BCAS3: variants seen among roughly 807,000 people sequenced by gnomAD.
BCAS3 encodes the protein BCAS3 microtubule associated cell migration factor, also known as BCAS4/BCAS3 fusion.
Under a neutral mutation model 116.1 loss-of-function variants are expected in BCAS3, and 53 were observed. The ratio of observed to expected loss-of-function variants is 0.46; its 90% confidence interval spans 0.37 to 0.57. BCAS3 has a LOEUF of 0.57. BCAS3 is among the 20% of genes least tolerant of loss of function. The pLI is 0.00. For missense variants in BCAS3, 917 were observed against 1,165.4 expected, an observed-to-expected ratio of 0.79 and a Z score of 3.10; for synonymous variants, 391 against 408.2, an observed-to-expected ratio of 0.96 and a Z score of 0.51.
chr17:60,867,468 A>C (rs2144882375), intron 7 of BCAS3, among the ~76,000 whole-genome samples: 1 of 151,990 alleles, frequency 6.6e-6, no homozygotes, highest in African/African-American at 2.4e-5. Flanking sequence ...ATCTTTCCTT[A>C]GATTTGTTCC....
chr17:61,062,024 C>T (rs2070107039), intron 19 of BCAS3, among the ~76,000 whole-genome samples: 1 of 152,152 alleles, frequency 6.6e-6, no homozygotes, highest in Non-Finnish European at 1.5e-5. Context: ...ACCCACTATG[C>T]AATAAGGTCA....
chr17:61,267,421 A>G (rs373899744), intron 22 of BCAS3, among the ~76,000 whole-genome samples: 4 of 151,738 alleles, frequency 2.6e-5, no homozygotes, highest in Admixed American at 6.6e-5. Flanking sequence ...CATGATGTCA[A>G]GACTTTTATT....
chr17:61,290,192 A>G (rs7211984), intron 22 of BCAS3, among the ~76,000 whole-genome samples: 2,998 of 152,312 alleles, frequency 0.02, 93 homozygotes, highest in African/African-American at 0.067. Flanking sequence ...TAATGAAGAC[A>G]TATTTTAAGC....
chr17:61,274,660 A>G (rs2050620901), intron 22 of BCAS3, among the ~76,000 whole-genome samples: 1 of 152,076 alleles, frequency 6.6e-6, no homozygotes, highest in Admixed American at 6.6e-5. Flanking sequence ...CATAATGAAG[A>G]CTGAAAGCTT....
chr17:61,235,766 A>T lies in BCAS3; in HGVS notation c.2426-132561A>T, dbSNP rs977379523. ...GGAAAAAAATGGTTAGGGAGGCTGC[A>T]AAAGAGATGTGGAGACTGGGGGAAA... On this transcript the variant is annotated intron_variant, in intron 22 of 23. Coordinates refer to ENST00000407086, the MANE Select transcript of BCAS3 (RefSeq NM_017679.5). The surrounding 1 kb of genome is among the most constrained non-coding windows in gnomAD (Gnocchi z 5.0). Among the ~76,000 whole-genome samples, 1 of 152,158 alleles carries T rather than the reference A, an allele frequency of 6.6e-6. No individual in the cohort carries two copies. The highest frequency in any genetic ancestry group is 2.4e-5 in the African/African-American group (1 of 41,542).
At chr17:61,353,790 G>A (rs1290730027) in intron 22 of BCAS3, 3 of 152,290 alleles carry the variant, frequency 2.0e-5, no homozygotes, top group Admixed American at 1.3e-4. Context: ...GACCGGCCAA[G>A]GCTGGCGAGG....
rs79502651 is a variant in BCAS3, at chr17:60,834,734, G to T, written c.476+26658G>T. On this transcript the variant is annotated intron_variant, in intron 7 of 23. Coordinates refer to ENST00000407086, the MANE Select transcript of BCAS3 (RefSeq NM_017679.5). Reference sequence around the variant, plus strand: ...TACCCCATGTTTTTTTGTTAGCTATGGTTGTGTGTATCTGTTAATATGAAA... The same window carrying T: ...TACCCCATGTTTTTTTGTTAGCTATTGTTGTGTGTATCTGTTAATATGAAA... Among the ~76,000 whole-genome samples, 626 of 151,902 alleles carry T rather than the reference G, an allele frequency of 4.1e-3. 4 individuals are homozygous for T. The highest frequency in any genetic ancestry group is 0.015 in the African/African-American group (602 of 41,502).
At chr17:60,781,787 A>AT (rs1444938562) in intron 6 of BCAS3, among the ~76,000 whole-genome samples, 2 of 151,930 alleles carry the variant, frequency 1.3e-5, no homozygotes, top group African/African-American at 2.4e-5. Context: ...TCATAATTCC[A>AT]TTTTTTCCTA....
At chr17:60,928,657 A>G (rs1024615975) in intron 13 of BCAS3, among the ~76,000 whole-genome samples, 1 of 152,194 alleles carries the variant, frequency 6.6e-6, no homozygotes, top group Non-Finnish European at 1.5e-5. Context: ...TTGACTTATT[A>G]CTTGATTATG....
intron 6 of BCAS3, among the ~76,000 whole-genome samples, chr17:60,779,121 C>T (rs367685596): frequency 1.4e-3 from 216 of 152,134 alleles, no homozygotes; most frequent in African/African-American, 4.9e-3. Flanking sequence ...CCAAAATGCT[C>T]CAAAATCTAA....
At position 61,152,714 on chromosome 17, in the gene BCAS3, T is replaced by A. The variant is rs149992232; in HGVS notation, c.2425+68150T>A. ...AAGATAATAAAGTCTTAAGGTTAAC[T>A]TCTAAAAAAAAAAATACCCCAATAC... is the stretch of plus-strand genomic sequence containing the variant. On this transcript the variant is annotated intron_variant, in intron 22 of 23. Coordinates refer to ENST00000407086, the MANE Select transcript of BCAS3 (RefSeq NM_017679.5). Among the ~76,000 whole-genome samples the A allele has an allele frequency of 9.2e-5, 14 of 151,902 alleles. 1 individual carries two copies. The East Asian group carries it at 1.9e-3, about 21-fold the overall frequency.
rs1433645414 is a variant in BCAS3 at position 61,151,871 on chromosome 17, G to A, written c.2425+67307G>A. ...TCATGCCAATACTCCTCCTGCAAACGTGAATGTTCCTAAAATGCACCAGAC... is the reference window on the plus strand; with the variant it reads ...TCATGCCAATACTCCTCCTGCAAACATGAATGTTCCTAAAATGCACCAGAC... On this transcript the variant is annotated intron_variant, in intron 22 of 23. Transcript: ENST00000407086. This position sits in a 1 kb window ranked among gnomAD's most constrained non-coding sequence, Gnocchi z 4.8. Among the ~76,000 whole-genome samples, 3 of 152,146 alleles carry A rather than the reference G, an allele frequency of 2.0e-5. No individual in the cohort carries two copies. The highest frequency in any genetic ancestry group is 2.9e-5 in the Non-Finnish European group (2 of 68,032).
intron 22 of BCAS3, among the ~76,000 whole-genome samples, chr17:61,212,423 A>G (rs1413229863): frequency 6.6e-6 from 1 of 152,046 alleles, no homozygotes; most frequent in African/African-American, 2.4e-5. Flanking sequence ...AATAATTTTA[A>G]AATATAAGAT....
Position 61,346,122 on chromosome 17 carries a change from C to T in BCAS3, c.2426-22205C>T, listed in dbSNP as rs1449491659. 6.6e-6 allele frequency among the ~76,000 whole-genome samples: 1 copy of T among 152,102 alleles called. No individual in the cohort carries two copies. The highest frequency in any genetic ancestry group is 1.9e-4 in the East Asian group (1 of 5,190). ...TAACAGCGGGGTAGGTGCCATAATC[C>T]TTGTTGAAGTCGAGGAGTTGACTTA... On this transcript the variant is annotated intron_variant, in intron 22 of 23. Coordinates refer to ENST00000407086, the MANE Select transcript of BCAS3 (RefSeq NM_017679.5). The surrounding 1 kb of genome is among the most constrained non-coding windows in gnomAD (Gnocchi z 5.4).
At position 61,388,313 on chromosome 17, in the gene BCAS3, A is replaced by G; in HGVS notation, c.2594-3664A>G. 1 of 328,882 alleles carries G rather than the reference A, an allele frequency of 3.0e-6. No homozygotes were observed. Among genetic ancestry groups the G allele is most frequent in the Non-Finnish European group, 5.7e-6 (1 of 174,954 alleles). The allele number at this position is 328,882 out of a possible 1,614,324, so 20.4% of individuals were successfully genotyped here. On this transcript the variant is annotated intron_variant, in intron 23 of 23. Transcript: ENST00000407086. This position sits in a 1 kb window ranked among gnomAD's most constrained non-coding sequence, Gnocchi z 6.5. ...GGCACTGCATGGGCCGTAGGTCCCC[A>G]GCCCTCCCACTTCCTAAAACTGTTC... is the stretch of plus-strand genomic sequence containing the variant.
chr17:61,206,991 CAG>C (rs537478690), intron 22 of BCAS3, among the ~76,000 whole-genome samples: 3 of 151,068 alleles, frequency 2.0e-5, no homozygotes, highest in Non-Finnish European at 2.9e-5. Context: ...ACAGATATGT[CAG>C]GGGAAGAAGT....
intron 23 of BCAS3, among the ~76,000 whole-genome samples, chr17:61,374,239 C>T (rs1249559529): frequency 2.0e-5 from 3 of 150,576 alleles, no homozygotes; most frequent in Non-Finnish European, 2.9e-5. Context: ...GGCACGATCT[C>T]GGCTCACTGC....
chr17:60,999,934 G>A (rs114581473), intron 15 of BCAS3, among the ~76,000 whole-genome samples: 1,581 of 152,088 alleles, frequency 0.01, 33 homozygotes, highest in African/African-American at 0.037. Flanking sequence ...AAGGGATTGC[G>A]TTCTTTATTT....
chr17:61,388,944 A>C lies in BCAS3; in HGVS notation c.2594-3033A>C. ...AGTCTGTGTTGAAGAATGGGCCCCC[A>C]CCTCCCCTTACCACATCATTCATTC... On this transcript the variant is annotated intron_variant, in intron 23 of 23. Coordinates refer to ENST00000407086, the MANE Select transcript of BCAS3 (RefSeq NM_017679.5). This position sits in a 1 kb window ranked among gnomAD's most constrained non-coding sequence, Gnocchi z 6.5. 3.9e-6 allele frequency: 2 copies of C among 506,642 alleles called. No homozygotes were observed. Among genetic ancestry groups the C allele is most frequent in the Non-Finnish European group, 7.0e-6 (2 of 286,296 alleles). The allele number at this position is 506,642 out of a possible 1,614,324, so 31.4% of individuals were successfully genotyped here. A position where few individuals can be genotyped will look rare whatever the true frequency, so the allele number is the denominator to read the frequency against.
Sources: allele counts gnomAD v4.1 joint callset (sites outside exome capture counted in the v4.1 genomes callset), GRCh38; gene constraint gnomAD v4.1.1; non-coding constraint Gnocchi (gnomAD v3.1); transcripts MANE v1.5; gene names NCBI Gene and HGNC (gene_info 2026-07-23, HGNC 2026-07-21).